Variants in DLG2 observed in about 807,000 individuals in gnomAD.
The protein encoded by DLG2 is disks large homolog 2.
In DLG2, 45 loss-of-function variants were observed where a neutral mutation model predicts 132.5. The observed-to-expected ratio is 0.34, with a 90% CI of 0.27 to 0.44. The LOEUF (loss-of-function observed/expected upper bound fraction) is 0.44, where lower values mean the gene tolerates loss of function less well. DLG2 is among the 20% of genes least tolerant of loss of function. The probability of loss-of-function intolerance (pLI) is 1.00; values close to 1 mark genes in which losing one functional copy is unlikely to be tolerated. For missense variants in DLG2, 1,045 were observed against 1,196.9 expected, an observed-to-expected ratio of 0.87 and a Z score of 1.87; for synonymous variants, 424 against 419.6, an observed-to-expected ratio of 1.01 and a Z score of -0.13.
At chr11:85,462,365 G>A (rs900762057) in intron 3 of DLG2, among the ~76,000 whole-genome samples, 1 of 152,138 alleles carries the variant, frequency 6.6e-6, no homozygotes, top group East Asian at 1.9e-4. Flanking sequence ...TGTTTATTGT[G>A]GCACTATTCA....
At chr11:83,677,931 T>C (rs898450077) in intron 18 of DLG2, among the ~76,000 whole-genome samples, 2 of 152,208 alleles carry the variant, frequency 1.3e-5, no homozygotes, top group African/African-American at 4.8e-5. Flanking sequence ...GAACCTCCCC[T>C]GTGAGGCAGG....
At chr11:84,540,713 A>G (rs1219073524) in intron 6 of DLG2, among the ~76,000 whole-genome samples, 1 of 152,158 alleles carries the variant, frequency 6.6e-6, no homozygotes, top group Non-Finnish European at 1.5e-5. Context: ...AGGATTATAA[A>G]TCATGCTGCT....
chr11:83,511,022 A>C (rs2094986596), intron 21 of DLG2, among the ~76,000 whole-genome samples: 1 of 100,276 alleles, frequency 1.0e-5, no homozygotes, highest in East Asian at 2.6e-4. Flanking sequence ...CTCCAATACT[A>C]CGTTTTGAGA....
intron 18 of DLG2, among the ~76,000 whole-genome samples, chr11:83,748,362 T>A (rs573870244): frequency 1.3e-5 from 2 of 152,340 alleles, no homozygotes; most frequent in Admixed American, 6.5e-5. Flanking sequence ...CATTTTCATC[T>A]GCAACTTTCA....
chr11:83,577,458 G>GATATATATATATAAAATAGGATATATT (rs1565880721), intron 19 of DLG2, among the ~76,000 whole-genome samples: 1 of 126,460 alleles, frequency 7.9e-6, no homozygotes, highest in East Asian at 2.1e-4. Flanking sequence ...GAACTAATAG[G>GATATATATATATAAAATAGGATATATT]ATATATATAT....
At chr11:85,086,874 T>A (rs2154174158) in intron 6 of DLG2, among the ~76,000 whole-genome samples, 1 of 152,332 alleles carries the variant, frequency 6.6e-6, no homozygotes, top group South Asian at 2.1e-4. Flanking sequence ...AAAAGCAAAT[T>A]GAAATATGAA....
chr11:84,562,684 C>A (rs1427202310), intron 6 of DLG2, among the ~76,000 whole-genome samples: 3 of 151,762 alleles, frequency 2.0e-5, no homozygotes, highest in East Asian at 1.9e-4. Flanking sequence ...TGCAAAAAAT[C>A]TTTAAAATAT....
At chr11:83,642,333 C>T (rs2066817886) in intron 18 of DLG2, among the ~76,000 whole-genome samples, 1 of 152,164 alleles carries the variant, frequency 6.6e-6, no homozygotes, top group African/African-American at 2.4e-5. Context: ...TTTTTAATAA[C>T]ACACTGAATT....
At chr11:85,353,240 CTCA>C (rs558513211) in intron 3 of DLG2, among the ~76,000 whole-genome samples, 1,646 of 152,262 alleles carry the variant, frequency 0.011, 17 homozygotes, top group Non-Finnish European at 0.019. Context: ...TGAAAAAATG[CTCA>C]TCATTACTGG....
chr11:84,703,531 C>T (rs537233452), intron 6 of DLG2, among the ~76,000 whole-genome samples: 7 of 151,544 alleles, frequency 4.6e-5, no homozygotes, highest in African/African-American at 1.7e-4. Context: ...ACCACAAATA[C>T]ACCCTCTATG....
intron 6 of DLG2, among the ~76,000 whole-genome samples, chr11:84,945,149 C>A (rs987188292): frequency 6.6e-6 from 1 of 152,190 alleles, no homozygotes; most frequent in African/African-American, 2.4e-5. Flanking sequence ...GTAGTCTTTA[C>A]AGCCTGGGCT....
At chr11:84,165,360 C>T (rs568526166) in intron 8 of DLG2, among the ~76,000 whole-genome samples, 3 of 152,262 alleles carry the variant, frequency 2.0e-5, no homozygotes, top group African/African-American at 7.2e-5. Context: ...CTATCAAAAC[C>T]TACGCTTAAC....
At chr11:83,944,995 G>A (rs1591567766) in intron 14 of DLG2, among the ~76,000 whole-genome samples, 1 of 152,170 alleles carries the variant, frequency 6.6e-6, no homozygotes, top group African/African-American at 2.4e-5. Context: ...GAGGGAAATG[G>A]TTGAATTCTA....
At chr11:83,914,193 T>A (rs760475817) in intron 15 of DLG2, among the ~76,000 whole-genome samples, 1 of 152,044 alleles carries the variant, frequency 6.6e-6, no homozygotes. Flanking sequence ...CTTGGGGTCA[T>A]TTTTGGGAGA....
At chr11:83,465,205 T>C (rs902282955) in intron 26 of DLG2, among the ~76,000 whole-genome samples, 3 of 152,202 alleles carry the variant, frequency 2.0e-5, no homozygotes, top group African/African-American at 7.2e-5. Flanking sequence ...CTGGTAAGAA[T>C]CCTTGTCCAT....
chr11:83,562,453 T>A (rs192642010), intron 19 of DLG2, among the ~76,000 whole-genome samples: 1 of 152,142 alleles, frequency 6.6e-6, no homozygotes, highest in African/African-American at 2.4e-5. Flanking sequence ...GGGGAGTTGT[T>A]AGATGGTGAT....
At chr11:83,685,954 T>C (rs1176451649) in intron 18 of DLG2, among the ~76,000 whole-genome samples, 2 of 151,858 alleles carry the variant, frequency 1.3e-5, no homozygotes, top group Admixed American at 6.6e-5. Flanking sequence ...TTACACCCCA[T>C]GCCTTATTCA....
intron 3 of DLG2, among the ~76,000 whole-genome samples, chr11:85,353,237 A>G (rs1009067926): frequency 2.0e-5 from 3 of 152,186 alleles, no homozygotes; most frequent in African/African-American, 7.2e-5. Flanking sequence ...ATGTGAAAAA[A>G]TGCTCATCAT....
chr11:83,503,321 GAACT>G (rs1394852442), intron 21 of DLG2, among the ~76,000 whole-genome samples: 1 of 112,520 alleles, frequency 8.9e-6, no homozygotes, highest in East Asian at 2.8e-4. Context: ...TGGAGTGACA[GAACT>G]AATTAGGATA....
Sources: allele counts gnomAD v4.1 joint callset (sites outside exome capture counted in the v4.1 genomes callset), GRCh38; gene constraint gnomAD v4.1.1; transcripts MANE v1.5; gene names NCBI Gene and HGNC (gene_info 2026-07-23, HGNC 2026-07-21).